The following FGFR2 variants were observed in gnomAD, a reference collection of about 807,000 sequenced individuals.
The protein encoded by FGFR2 is BEK fibroblast growth factor receptor.
In FGFR2, 19 loss-of-function variants were observed where a neutral mutation model predicts 95.9. That is an observed-to-expected ratio of 0.20 (90% confidence interval 0.14 to 0.29). The LOEUF (loss-of-function observed/expected upper bound fraction) is 0.29, where lower values mean the gene tolerates loss of function less well. Among genes scored for constraint, FGFR2 ranks in the 10% least tolerant of loss-of-function variants. The pLI, the probability that FGFR2 is intolerant of heterozygous loss-of-function variation, is 1.00. For missense variants in FGFR2, 707 were observed against 1,056.9 expected, an observed-to-expected ratio of 0.67 and a Z score of 4.59; for synonymous variants, 392 against 393.3, an observed-to-expected ratio of 1.00 and a Z score of 0.04.
intron 2 of FGFR2, among the ~76,000 whole-genome samples, chr10:121,574,186 G>C (rs1219169021): frequency 1.3e-5 from 2 of 152,082 alleles, no homozygotes; most frequent in Non-Finnish European, 1.5e-5. Context: ...TCTTTCCTAT[G>C]GCACAATCTG....
chr10:121,515,023 C>T (rs1849513778), intron 9 of FGFR2, 94 bp downstream of exon 9: 2 of 1,208,026 alleles, frequency 1.7e-6, no homozygotes, highest in Non-Finnish European at 2.4e-6. Flanking sequence ...TGGAAGCTCA[C>T]AGAAGTCGAT....
chr10:121,483,641 C>G (rs1027230000), intron 17 of FGFR2, 57 bp downstream of exon 17: 1 of 1,245,650 alleles, frequency 8.0e-7, no homozygotes, highest in South Asian at 1.2e-5. Context: ...GTGTAAAACA[C>G]TACGCATGTC....
At chr10:121,488,146 A>C (rs939472091) in intron 13 of FGFR2, 33 bp from the exon 14 acceptor site, 3 of 1,607,238 alleles carry the variant, frequency 1.9e-6, no homozygotes, top group Non-Finnish European at 1.7e-6. Flanking sequence ...AGAAATAACT[A>C]ATTTCAAAAC....
At chr10:121,581,861 C>CT (rs999509279) in intron 2 of FGFR2, among the ~76,000 whole-genome samples, 1 of 150,368 alleles carries the variant, frequency 6.7e-6, no homozygotes, top group Non-Finnish European at 1.5e-5. Flanking sequence ...CCGGCCCATG[C>CT]TTTTCCTTCA....
At chr10:121,483,049 G>A (rs1195724168) in intron 17 of FGFR2, among the ~76,000 whole-genome samples, 1 of 152,084 alleles carries the variant, frequency 6.6e-6, no homozygotes, top group Admixed American at 6.6e-5. Flanking sequence ...TGCCCTCCTC[G>A]GCTTCCCAAA....
chr10:121,597,778 G>A (rs954547911), intron 1 of FGFR2, among the ~76,000 whole-genome samples, 184 bp downstream of exon 1: 1 of 152,226 alleles, frequency 6.6e-6, no homozygotes, highest in Admixed American at 6.5e-5. Flanking sequence ...AACGCCGGCC[G>A]TCAGCACGCA....
Position 121,509,865 on chromosome 10 carries a change from T to C in FGFR2, c.1287+5252A>G, listed in dbSNP as rs538784034. Among the ~76,000 whole-genome samples, 3 of 152,082 alleles carry C rather than the reference T, an allele frequency of 2.0e-5. No individual in the cohort carries two copies. The East Asian group carries it at 5.8e-4, about 30-fold the overall frequency. ...AGAACAGAGCAAGCAGAAGCAAAGA[T>C]GTTCCAGGGAGAAGAGACGAATTAA... is the stretch of plus-strand genomic sequence containing the variant. On this transcript the variant is annotated intron_variant, in intron 9 of 17. Coordinates refer to ENST00000358487, the MANE Select transcript of FGFR2 (RefSeq NM_000141.5).
chr10:121,522,527 GC>G (rs1354238577), intron 6 of FGFR2, among the ~76,000 whole-genome samples: 1 of 152,150 alleles, frequency 6.6e-6, no homozygotes, highest in East Asian at 1.9e-4. Context: ...TTGCACTCCA[GC>G]CTGGGCAACA....
chr10:121,510,316 C>T (rs1848889104), intron 9 of FGFR2, among the ~76,000 whole-genome samples: 1 of 152,098 alleles, frequency 6.6e-6, no homozygotes, highest in Non-Finnish European at 1.5e-5. Context: ...CAGCCAAGGT[C>T]CAGGTCAGAT....
At chr10:121,491,630 G>C (rs1336419854) in intron 13 of FGFR2, among the ~76,000 whole-genome samples, 3 of 152,182 alleles carry the variant, frequency 2.0e-5, no homozygotes, top group African/African-American at 7.2e-5. Context: ...CAGCACTTTG[G>C]GAGGCCAAGG....
chr10:121,583,767 A>AG (rs1861328957), intron 2 of FGFR2, among the ~76,000 whole-genome samples: 1 of 151,788 alleles, frequency 6.6e-6, no homozygotes, highest in Non-Finnish European at 1.5e-5. Flanking sequence ...AGCAAAAAAA[A>AG]AAAATCCTCC....
In FGFR2 at chr10:121,568,406, C is replaced by T. The variant is rs149225512; in HGVS notation, c.110-2702G>A. 5.6e-4 allele frequency among the ~76,000 whole-genome samples: 85 copies of T among 152,296 alleles called. 1 individual carries two copies. Among genetic ancestry groups the T allele is most frequent in the African/African-American group, 1.9e-3 (79 of 41,564 alleles). Reference sequence around the variant, plus strand: ...ATCAATGTCTATTATGACAACATCACATGATCAGCAAGTCACCAGAAATGT... The same window carrying T: ...ATCAATGTCTATTATGACAACATCATATGATCAGCAAGTCACCAGAAATGT... On this transcript the variant is annotated intron_variant, in intron 2 of 17. Coordinates refer to ENST00000358487, the MANE Select transcript of FGFR2 (RefSeq NM_000141.5).
At chr10:121,529,587 G>T (rs1564935254) in intron 6 of FGFR2, among the ~76,000 whole-genome samples, 1 of 152,210 alleles carries the variant, frequency 6.6e-6, no homozygotes, top group Non-Finnish European at 1.5e-5. Context: ...ATCCAGTGGG[G>T]AATATGTCTG....
chr10:121,518,244 T>C lies in FGFR2; in HGVS notation c.940-781A>G, dbSNP rs1429166854. 6.6e-6 allele frequency among the ~76,000 whole-genome samples: 1 copy of C among 152,174 alleles called. No individual in the cohort carries two copies. Among genetic ancestry groups the C allele is most frequent in the African/African-American group, 2.4e-5 (1 of 41,442 alleles). ...AGGATCAACCATGCAACCAAAGAAATGATGCTTTGTTGAACAAATTGCATC... is the reference window on the plus strand; with the variant it reads ...AGGATCAACCATGCAACCAAAGAAACGATGCTTTGTTGAACAAATTGCATC... On this transcript the variant is annotated intron_variant, in intron 7 of 17. Coordinates refer to ENST00000358487, the MANE Select transcript of FGFR2 (RefSeq NM_000141.5). The surrounding 1 kb of genome is among the most constrained non-coding windows in gnomAD (Gnocchi z 4.0).
rs1332709565 is a variant in FGFR2, at chr10:121,531,499, T to C, written c.748+7093A>G. On this transcript the variant is annotated intron_variant, in intron 6 of 17. Coordinates refer to ENST00000358487, the MANE Select transcript of FGFR2 (RefSeq NM_000141.5). This position sits in a 1 kb window ranked among gnomAD's most constrained non-coding sequence, Gnocchi z 4.5. ...GGAAAGGACAGGACTGACCCCTCCTTTCATCAGGATGGGCTCAGGGTGCAC... is the reference window on the plus strand; with the variant it reads ...GGAAAGGACAGGACTGACCCCTCCTCTCATCAGGATGGGCTCAGGGTGCAC... Among the ~76,000 whole-genome samples the C allele has an allele frequency of 6.6e-6, 1 of 152,062 alleles. No homozygotes were observed. The highest frequency in any genetic ancestry group is 1.5e-5 in the Non-Finnish European group (1 of 68,032).
At chr10:121,504,606 C>T (rs775219284) in intron 9 of FGFR2, among the ~76,000 whole-genome samples, 7 of 152,126 alleles carry the variant, frequency 4.6e-5, no homozygotes, top group Non-Finnish European at 7.3e-5. Flanking sequence ...AATGGGCTGC[C>T]TCTTGTCTTC....
rs1589833885 is a variant in FGFR2 at position 121,518,945 on chromosome 10, C to A, written c.939+1034G>T. On this transcript the variant is annotated intron_variant, in intron 7 of 17. Coordinates refer to ENST00000358487, the MANE Select transcript of FGFR2 (RefSeq NM_000141.5). This position sits in a 1 kb window ranked among gnomAD's most constrained non-coding sequence, Gnocchi z 4.0. The stretch of plus-strand genomic sequence containing the variant: ...AAACTCCATTACGTCTAAACAGCGG[C>A]ATTAAAGGGCTGCGGATTTTAAAGA... 1.6e-6 allele frequency: 2 copies of A among 1,254,922 alleles called. No individual in the cohort carries two copies. The highest frequency in any genetic ancestry group is 2.4e-5 in the East Asian group (1 of 42,292). The allele number at this position is 1,254,922 out of a possible 1,614,324, so 77.7% of individuals were successfully genotyped here.
Position 121,531,996 on chromosome 10 carries a change from C to T in FGFR2, c.748+6596G>A, listed in dbSNP as rs1852140954. Among the ~76,000 whole-genome samples, 1 of 152,218 alleles carries T rather than the reference C, an allele frequency of 6.6e-6. No homozygotes were observed. Among genetic ancestry groups the T allele is most frequent in the Admixed American group, 6.5e-5 (1 of 15,288 alleles). On this transcript the variant is annotated intron_variant, in intron 6 of 17. Transcript: ENST00000358487. The surrounding 1 kb of genome is among the most constrained non-coding windows in gnomAD (Gnocchi z 4.5). Reference sequence around the variant, plus strand: ...TGACCCATTACCTGGCACGCCACCCCAATCCCTTCTCAACAGAGGGGCTTT... The same window carrying T: ...TGACCCATTACCTGGCACGCCACCCTAATCCCTTCTCAACAGAGGGGCTTT...
chr10:121,501,918 C>T (rs781299420), intron 10 of FGFR2, among the ~76,000 whole-genome samples: 3 of 152,172 alleles, frequency 2.0e-5, no homozygotes, highest in Non-Finnish European at 4.4e-5. Flanking sequence ...GCATAACAAT[C>T]CTTTCTTTGT....
Sources: allele counts gnomAD v4.1 joint callset (sites outside exome capture counted in the v4.1 genomes callset), GRCh38; gene constraint gnomAD v4.1.1; non-coding constraint Gnocchi (gnomAD v3.1); transcripts MANE v1.5; gene names NCBI Gene and HGNC (gene_info 2026-07-23, HGNC 2026-07-21).